Variants in DMD observed in about 807,000 individuals in gnomAD.
DMD encodes dystrophin, also known as mutant dystrophin.
DMD carries 63 observed loss-of-function variants against 330.1 expected under a neutral mutation model. The ratio of observed to expected loss-of-function variants is 0.19; its 90% confidence interval spans 0.16 to 0.24. DMD has a LOEUF of 0.24. DMD is among the 10% of genes least tolerant of loss of function. The pLI, the probability that DMD is intolerant of heterozygous loss-of-function variation, is 1.00. For missense variants in DMD, 3,344 were observed against 2,684.1 expected, an observed-to-expected ratio of 1.25 and a Z score of -5.43; for synonymous variants, 1,223 against 959.8, an observed-to-expected ratio of 1.27 and a Z score of -5.07.
In DMD at chrX:31,146,158, G is replaced by A. The variant is rs72466536; in HGVS notation, c.10921+133C>T. On this transcript the variant is annotated intron_variant, in intron 76 of 78. Transcript: ENST00000357033. ...AGAATTTTCTTTTTAGACTTTTTTC[G>A]CCTGGTATATGATTTTCAGTGGCTC... 5.6e-3 allele frequency: 4,426 copies of A among 785,953 alleles called. 100 individuals carry two copies. The African/African-American group carries it at 0.07, about 12-fold the overall frequency. The allele number at this position is 785,953 out of a possible 1,213,427, so 64.8% of individuals were successfully genotyped here. A position where few individuals can be genotyped will look rare whatever the true frequency, so the allele number is the denominator to read the frequency against.
intron 1 of DMD, among the ~76,000 whole-genome samples, chrX:33,046,160 G>A (rs1172909095): frequency 9.0e-6 from 1 of 111,473 alleles, no homozygotes; most frequent in Non-Finnish European, 1.9e-5. Flanking sequence ...GTGGAGGCTA[G>A]AGTCCTAACA....
intron 1 of DMD, among the ~76,000 whole-genome samples, chrX:33,038,492 G>A (rs1262499449): frequency 1.8e-5 from 2 of 111,215 alleles, no homozygotes; most frequent in African/African-American, 3.3e-5. Context: ...TGTTTGCCCC[G>A]GAGCCCGGCA....
chrX:32,213,408 C>T (rs1026682466), intron 44 of DMD, among the ~76,000 whole-genome samples: 10 of 112,290 alleles, frequency 8.9e-5, no homozygotes, highest in African/African-American at 2.3e-4. Context: ...ACCCATTTTA[C>T]GATAATTACT....
intron 43 of DMD, among the ~76,000 whole-genome samples, chrX:32,236,749 G>A (rs1361171563): frequency 9.0e-6 from 1 of 111,719 alleles, no homozygotes; most frequent in East Asian, 2.8e-4. Context: ...CTGTATAAAT[G>A]ACCCAGTCTC....
intron 1 of DMD, among the ~76,000 whole-genome samples, chrX:33,109,905 C>A (rs757134082): frequency 9.0e-6 from 1 of 110,673 alleles, no homozygotes; most frequent in East Asian, 2.8e-4. Context: ...CAAATGCAAT[C>A]TTGCACATTG....
chrX:31,615,975 G>A (rs716354), intron 55 of DMD, among the ~76,000 whole-genome samples: 40,400 of 110,892 alleles, frequency 0.36, 5,973 homozygotes, highest in African/African-American at 0.55. Context: ...ATGCACTTCA[G>A]TACATTAATT....
chrX:32,787,186 G>A (rs1267575242), intron 7 of DMD, among the ~76,000 whole-genome samples: 1 of 107,622 alleles, frequency 9.3e-6, no homozygotes, highest in South Asian at 4.1e-4. Flanking sequence ...ATGTATCCAT[G>A]ACAACTGTGA....
chrX:32,100,530 G>A (rs1266808170), intron 44 of DMD, among the ~76,000 whole-genome samples: 3 of 110,194 alleles, frequency 2.7e-5, no homozygotes, highest in African/African-American at 6.6e-5. Context: ...TTAGATTTAC[G>A]CTTTTTCAAA....
chrX:32,660,543 C>T (rs751172228), intron 9 of DMD, among the ~76,000 whole-genome samples: 1 of 111,273 alleles, frequency 9.0e-6, no homozygotes, highest in South Asian at 3.7e-4. Flanking sequence ...TTATAACTGA[C>T]CTATTTATAA....
At chrX:32,529,150 C>T (rs2047217341) in intron 17 of DMD, among the ~76,000 whole-genome samples, 1 of 106,335 alleles carries the variant, frequency 9.4e-6, no homozygotes, top group Non-Finnish European at 1.9e-5. Flanking sequence ...TGGTCTCGAT[C>T]TCCTGACCTT....
chrX:31,776,569 G>T (rs1392618848), intron 50 of DMD, among the ~76,000 whole-genome samples: 6 of 82,463 alleles, frequency 7.3e-5, no homozygotes, highest in Non-Finnish European at 1.3e-4. Context: ...AGACAGAAAG[G>T]AAGAAGGAAA....
chrX:33,024,475 T>C (rs6653895), intron 1 of DMD, among the ~76,000 whole-genome samples: 7,826 of 111,813 alleles, frequency 0.07, 449 homozygotes, highest in African/African-American at 0.19. Flanking sequence ...TGACCAACGT[T>C]TTATTTTATT....
At chrX:32,084,181 G>T (rs2096414201) in intron 44 of DMD, among the ~76,000 whole-genome samples, 1 of 111,815 alleles carries the variant, frequency 8.9e-6, no homozygotes, top group Admixed American at 9.5e-5. Context: ...TTTAGAGCTT[G>T]AGTTAGTAAG....
At chrX:32,566,180 T>C (rs2051690734) in intron 15 of DMD, among the ~76,000 whole-genome samples, 1 of 111,922 alleles carries the variant, frequency 8.9e-6, no homozygotes, top group South Asian at 3.7e-4. Context: ...AAAGGTAATA[T>C]TGCTTCAAAA....
intron 55 of DMD, among the ~76,000 whole-genome samples, chrX:31,612,071 C>G (rs987957560): frequency 9.0e-5 from 10 of 110,704 alleles, no homozygotes; most frequent in African/African-American, 3.3e-4. Flanking sequence ...CACTATCCAT[C>G]TCTAGAATGT....
At chrX:32,536,533 G>A (rs1464152797) in intron 17 of DMD, among the ~76,000 whole-genome samples, 1 of 112,234 alleles carries the variant, frequency 8.9e-6, no homozygotes, top group Non-Finnish European at 1.9e-5. Context: ...GACTTTAGCA[G>A]ACAGTGAACT....
intron 1 of DMD, among the ~76,000 whole-genome samples, chrX:33,062,103 C>T (rs1256508174): frequency 9.0e-6 from 1 of 111,710 alleles, no homozygotes; most frequent in African/African-American, 3.3e-5. Flanking sequence ...TATAAATAGA[C>T]GGTAAGAAAA....
At chrX:32,422,591 C>G (rs772954695) in intron 29 of DMD, among the ~76,000 whole-genome samples, 41 of 111,426 alleles carry the variant, frequency 3.7e-4, no homozygotes, top group African/African-American at 1.3e-3. Context: ...GAGGTAGAAA[C>G]AGTAAGGAAA....
At chrX:31,878,431 G>A (rs762360032) in intron 47 of DMD, among the ~76,000 whole-genome samples, 1 of 112,020 alleles carries the variant, frequency 8.9e-6, no homozygotes, top group African/African-American at 3.2e-5. Context: ...GTAAGAAGCA[G>A]TATATGTCTA....
Sources: allele counts gnomAD v4.1 joint callset (sites outside exome capture counted in the v4.1 genomes callset), GRCh38; gene constraint gnomAD v4.1.1; transcripts MANE v1.5; gene names NCBI Gene and HGNC (gene_info 2026-07-23, HGNC 2026-07-21).